The following CCDC138 variants were observed in gnomAD, a reference collection of about 807,000 sequenced individuals.
CCDC138 encodes coiled-coil domain containing 138.
A neutral mutation model predicts 82.3 loss-of-function variants in CCDC138; 66 were observed. The observed-to-expected ratio is 0.80, with a 90% CI of 0.66 to 0.98. The LOEUF is 0.98. Ranked by LOEUF, CCDC138 falls within the 50% of genes least tolerant of loss-of-function variation. CCDC138 has a pLI of 0.00. For synonymous variants in CCDC138, 297 were observed against 265.4 expected, an observed-to-expected ratio of 1.12 and a Z score of -1.16; for missense variants, 816 against 758.9, an observed-to-expected ratio of 1.08 and a Z score of -0.88.
intron 14 of CCDC138, among the ~76,000 whole-genome samples, chr2:108,875,426 A>G (rs1029760200): frequency 9.9e-5 from 15 of 152,140 alleles, no homozygotes; most frequent in African/African-American, 3.6e-4. Flanking sequence ...AAGTCAAAAG[A>G]TAAACCAATA....
intron 2 of CCDC138, among the ~76,000 whole-genome samples, chr2:108,788,439 C>T (rs1374823990): frequency 6.7e-6 from 1 of 149,244 alleles, no homozygotes; most frequent in Non-Finnish European, 1.5e-5. Context: ...AAAAAATAGG[C>T]TGCGCGCGGT....
intron 10 of CCDC138, among the ~76,000 whole-genome samples, chr2:108,820,747 T>C (rs1021670438): frequency 6.8e-6 from 1 of 147,278 alleles, no homozygotes; most frequent in African/African-American, 2.5e-5. Context: ...AAGAGTACTA[T>C]ATCCAGCTAA....
chr2:108,798,058 A>G (rs935635647), intron 5 of CCDC138, among the ~76,000 whole-genome samples: 1 of 151,796 alleles, frequency 6.6e-6, no homozygotes, highest in African/African-American at 2.4e-5. Flanking sequence ...CTTTCAGCCC[A>G]AGGTGATAGA....
intron 12 of CCDC138, among the ~76,000 whole-genome samples, chr2:108,848,207 T>C (rs1690820683): frequency 6.6e-6 from 1 of 152,214 alleles, no homozygotes; most frequent in African/African-American, 2.4e-5. Context: ...CATTATATCA[T>C]TTAATAACAT....
At chr2:108,799,776 C>T (rs1047279241) in intron 6 of CCDC138, among the ~76,000 whole-genome samples, 2 of 152,102 alleles carry the variant, frequency 1.3e-5, no homozygotes, top group Non-Finnish European at 2.9e-5. Flanking sequence ...TGCTATTTCC[C>T]CAAAGATTTC....
At chr2:108,789,668 T>C (rs372142755) in intron 3 of CCDC138, among the ~76,000 whole-genome samples, 3 of 152,294 alleles carry the variant, frequency 2.0e-5, no homozygotes, top group African/African-American at 7.2e-5. Flanking sequence ...ATCTCTGGTG[T>C]GTCTGGTATT....
intron 13 of CCDC138, among the ~76,000 whole-genome samples, chr2:108,857,402 A>G (rs1478177501): frequency 6.6e-6 from 1 of 152,098 alleles, no homozygotes; most frequent in Non-Finnish European, 1.5e-5. Context: ...AATATTTTTG[A>G]TGCTATTTAA....
At chr2:108,814,793 G>T (rs907714012) in intron 9 of CCDC138, among the ~76,000 whole-genome samples, 1 of 150,984 alleles carries the variant, frequency 6.6e-6, no homozygotes, top group Non-Finnish European at 1.5e-5. Context: ...CCACCACCAC[G>T]CCTGGCTAAT....
chr2:108,879,164 G>T (rs1014919822), downstream of CCDC138, among the ~76,000 whole-genome samples: 2 of 152,190 alleles, frequency 1.3e-5, no homozygotes, highest in Non-Finnish European at 2.9e-5. Flanking sequence ...TAGAGACAGG[G>T]TTTTGCCATG....
At chr2:108,840,084 T>A (rs1689204979) in intron 11 of CCDC138, among the ~76,000 whole-genome samples, 2 of 152,156 alleles carry the variant, frequency 1.3e-5, no homozygotes, top group South Asian at 2.1e-4. Context: ...TTGAATTTTT[T>A]TAGATACTTT....
intron 13 of CCDC138, among the ~76,000 whole-genome samples, chr2:108,859,758 A>G (rs1241563653): frequency 1.3e-5 from 2 of 150,714 alleles, no homozygotes; most frequent in African/African-American, 4.9e-5. Context: ...TGTTCTTTTT[A>G]CTTAAGTTTG....
intron 10 of CCDC138, among the ~76,000 whole-genome samples, chr2:108,823,869 C>T (rs970592742): frequency 4.0e-5 from 6 of 151,630 alleles, no homozygotes; most frequent in Admixed American, 6.6e-5. Context: ...CCCAGCTACT[C>T]GGGATGCTGA....
At chr2:108,813,960 ACTGTATC>A (rs1197699361) in intron 9 of CCDC138, among the ~76,000 whole-genome samples, 1 of 152,162 alleles carries the variant, frequency 6.6e-6, no homozygotes, top group Non-Finnish European at 1.5e-5. Context: ...TCATTGTATG[ACTGTATC>A]AGAGTTTGTT....
At chr2:108,808,262 A>G (rs1183990249) in intron 7 of CCDC138, among the ~76,000 whole-genome samples, 1 of 152,208 alleles carries the variant, frequency 6.6e-6, no homozygotes, top group Non-Finnish European at 1.5e-5. Flanking sequence ...CTATCGATGG[A>G]CACATAGGTT....
intron 10 of CCDC138, among the ~76,000 whole-genome samples, chr2:108,834,730 T>A (rs1461627867): frequency 2.6e-5 from 4 of 152,232 alleles, no homozygotes; most frequent in Non-Finnish European, 4.4e-5. Flanking sequence ...GAAACAATTC[T>A]GTACCCGTTT....
intron 11 of CCDC138, among the ~76,000 whole-genome samples, chr2:108,844,851 G>A (rs565769289): frequency 6.6e-6 from 1 of 151,088 alleles, no homozygotes; most frequent in Non-Finnish European, 1.5e-5. Flanking sequence ...AGGTTCAAGC[G>A]ATTCTCCTGC....
chr2:108,873,977 A>T (rs577353699), intron 14 of CCDC138, among the ~76,000 whole-genome samples: 57 of 152,278 alleles, frequency 3.7e-4, no homozygotes, highest in Non-Finnish European at 6.0e-4. Flanking sequence ...CTGATCTAAG[A>T]CCACATATTT....
chr2:108,796,977 C>A (rs1310343836), intron 5 of CCDC138, among the ~76,000 whole-genome samples: 2 of 152,116 alleles, frequency 1.3e-5, no homozygotes, highest in East Asian at 1.9e-4. Flanking sequence ...TTGTAATGTT[C>A]TCAACACAAA....
At chr2:108,860,005 A>G (rs2104761951) in intron 13 of CCDC138, among the ~76,000 whole-genome samples, 1 of 152,152 alleles carries the variant, frequency 6.6e-6, no homozygotes, top group South Asian at 2.1e-4. Context: ...TTCTCCTTGT[A>G]GAGATATTTC....
Sources: allele counts gnomAD v4.1 joint callset (sites outside exome capture counted in the v4.1 genomes callset), GRCh38; gene constraint gnomAD v4.1.1; transcripts MANE v1.5; gene names NCBI Gene and HGNC (gene_info 2026-07-23, HGNC 2026-07-21).